FGF13: variants seen among roughly 807,000 people sequenced by gnomAD.
The protein encoded by FGF13 is fibroblast growth factor 13.
A neutral mutation model predicts 19.5 loss-of-function variants in FGF13; 2 were observed. The ratio of observed to expected loss-of-function variants is 0.10; its 90% CI spans 0.04 to 0.32. FGF13 has a LOEUF of 0.32. Among genes scored for constraint, FGF13 ranks in the 10% least tolerant of loss-of-function variants. FGF13 has a pLI of 1.00. For missense variants in FGF13, 113 were observed against 192.7 expected (o/e 0.59, Z 2.45); for synonymous variants, 72 against 76.9 (o/e 0.94, Z 0.33).
At chrX:138,809,997 T>C (rs1161671900) in intron 3 of FGF13, among the ~76,000 whole-genome samples, 2 of 111,536 alleles carry the variant, frequency 1.8e-5, no homozygotes, top group Non-Finnish European at 3.8e-5. Context: ...AGAATCAATA[T>C]TGTGAAAATG....
intron 3 of FGF13, among the ~76,000 whole-genome samples, chrX:138,780,922 C>T (rs1218364435): frequency 2.7e-5 from 3 of 109,975 alleles, no homozygotes; most frequent in Non-Finnish European, 5.7e-5. Flanking sequence ...GGAAGTAAAG[C>T]TCTCCTCAGC....
chrX:138,976,468 T>C (rs2091940172), intron 1 of FGF13, among the ~76,000 whole-genome samples: 1 of 111,380 alleles, frequency 9.0e-6, no homozygotes, highest in Non-Finnish European at 1.9e-5. Flanking sequence ...ATACCATATG[T>C]TCTTGCTTAT....
chrX:138,879,670 C>G (rs1240196465), intron 1 of FGF13, among the ~76,000 whole-genome samples: 2 of 110,392 alleles, frequency 1.8e-5, no homozygotes, highest in African/African-American at 6.6e-5. Context: ...CCCCCCACCC[C>G]CTGACAGTCC....
At chrX:138,969,359 G>C (rs913734232) in intron 1 of FGF13, among the ~76,000 whole-genome samples, 2 of 111,357 alleles carry the variant, frequency 1.8e-5, no homozygotes, top group Admixed American at 1.9e-4. Flanking sequence ...GGGAACTTTG[G>C]GATAGGACAT....
intron 3 of FGF13, among the ~76,000 whole-genome samples, chrX:138,763,749 T>C (rs749477382): frequency 9.0e-6 from 1 of 111,651 alleles, no homozygotes; most frequent in Admixed American, 9.6e-5. Flanking sequence ...TAGCTCTTTC[T>C]CCACATGGTA....
At chrX:139,105,499 G>A (rs2083553558) in intron 1 of FGF13, among the ~76,000 whole-genome samples, 1 of 111,564 alleles carries the variant, frequency 9.0e-6, no homozygotes, top group African/African-American at 3.3e-5. Context: ...CTGAAGTCAG[G>A]CAGGCCTGGA....
chrX:138,708,169 A>C (rs1448001366), intron 2 of FGF13, among the ~76,000 whole-genome samples: 5 of 112,460 alleles, frequency 4.4e-5, no homozygotes, highest in Admixed American at 3.8e-4. Context: ...CATGTAATTA[A>C]AGGTTACGTA....
intron 3 of FGF13, among the ~76,000 whole-genome samples, chrX:138,801,181 A>G (rs2090826233): frequency 8.9e-6 from 1 of 112,484 alleles, no homozygotes; most frequent in Admixed American, 9.4e-5. Context: ...TGAAATTTTC[A>G]GCATTTTTGT....
intron 3 of FGF13, among the ~76,000 whole-genome samples, chrX:138,663,482 C>T (rs2089509185): frequency 8.9e-6 from 1 of 111,805 alleles, no homozygotes; most frequent in Non-Finnish European, 1.9e-5. Flanking sequence ...AGCTGATGCC[C>T]ATCATGAAAA....
intron 1 of FGF13, among the ~76,000 whole-genome samples, chrX:139,151,031 G>T (rs182672914): frequency 5.5e-5 from 6 of 110,015 alleles, no homozygotes; most frequent in African/African-American, 1.7e-4. Flanking sequence ...GACACAATCA[G>T]ATAAGCCACG....
chrX:139,143,524 G>A (rs1322022831), intron 1 of FGF13, among the ~76,000 whole-genome samples: 1 of 112,134 alleles, frequency 8.9e-6, no homozygotes, highest in Non-Finnish European at 1.9e-5. Flanking sequence ...TCAAATTAGC[G>A]GAGGTTTAAC....
intron 1 of FGF13, among the ~76,000 whole-genome samples, chrX:139,008,511 G>C (rs1267297106): frequency 8.9e-6 from 1 of 112,276 alleles, no homozygotes; most frequent in African/African-American, 3.2e-5. Context: ...CCTGAAGACA[G>C]ATCACATCAC....
intron 1 of FGF13, among the ~76,000 whole-genome samples, chrX:139,041,884 G>T (rs2092271087): frequency 8.9e-6 from 1 of 111,897 alleles, no homozygotes; most frequent in African/African-American, 3.3e-5. Flanking sequence ...GTTCAAATTC[G>T]GGTAATAAAC....
chrX:138,705,195 T>C (rs1244260580), intron 2 of FGF13, among the ~76,000 whole-genome samples: 2 of 111,856 alleles, frequency 1.8e-5, no homozygotes, highest in East Asian at 5.6e-4. Context: ...TGACAGAGAA[T>C]GATAAATGAA....
intron 1 of FGF13, among the ~76,000 whole-genome samples, chrX:138,946,854 G>A (rs2091784021): frequency 8.9e-6 from 1 of 112,181 alleles, no homozygotes; most frequent in Non-Finnish European, 1.9e-5. Flanking sequence ...TCAGAAAACT[G>A]GGATGTTCCT....
chrX:139,162,191 A>C (rs781066772), intron 1 of FGF13, among the ~76,000 whole-genome samples: 16 of 112,247 alleles, frequency 1.4e-4, no homozygotes, highest in East Asian at 2.8e-4. Flanking sequence ...GTGCTGGTAC[A>C]AAAACAGATA....
intron 1 of FGF13, among the ~76,000 whole-genome samples, chrX:138,869,128 T>A: frequency 9.0e-6 from 1 of 111,321 alleles, no homozygotes; most frequent in Non-Finnish European, 1.9e-5. Flanking sequence ...GCAGGTAGGG[T>A]GCTCTTCTTT....
intron 1 of FGF13, among the ~76,000 whole-genome samples, chrX:139,095,110 TTTAA>T (rs764550173): frequency 8.9e-6 from 1 of 112,410 alleles, no homozygotes; most frequent in Non-Finnish European, 1.9e-5. Context: ...CTGCCTCTTC[TTTAA>T]TTGAGGAAGC....
In FGF13 at chrX:138,835,403, G is replaced by A. The variant is rs143295118; in HGVS notation, c.217+22109C>T. Among the ~76,000 whole-genome samples the A allele has an allele frequency of 9.3e-4, 104 of 111,818 alleles. 1 individual carries two copies. In the East Asian group the frequency reaches 0.027, roughly 29 times the overall value. Reference sequence around the variant, plus strand: ...CCAACTGAACCCTTTACCATTATGCGATGCGGATTTTTGTTTTGTTTTGTT... The same window carrying A: ...CCAACTGAACCCTTTACCATTATGCAATGCGGATTTTTGTTTTGTTTTGTT... On this transcript the variant is annotated intron_variant, in intron 3 of 6. Transcript: ENST00000436198.
Sources: allele counts gnomAD v4.1 joint callset (sites outside exome capture counted in the v4.1 genomes callset), GRCh38; gene constraint gnomAD v4.1.1; transcripts MANE v1.5; gene names NCBI Gene and HGNC (gene_info 2026-07-23, HGNC 2026-07-21).